Variants in GPATCH11 observed in about 807,000 individuals in gnomAD.
GPATCH11 encodes G patch domain-containing protein 11.
Under a neutral mutation model 44.8 loss-of-function variants are expected in GPATCH11, and 32 were observed. That is an observed-to-expected ratio of 0.71 (90% CI 0.54 to 0.96). The LOEUF (loss-of-function observed/expected upper bound fraction) is 0.96. GPATCH11 is among the 40% of genes least tolerant of loss of function. The pLI, the probability that GPATCH11 is intolerant of heterozygous loss-of-function variation, is 0.00. For missense variants in GPATCH11, 324 were observed against 303.1 expected, an observed-to-expected ratio of 1.07 and a Z score of -0.51; for synonymous variants, 84 against 94.4, an observed-to-expected ratio of 0.89 and a Z score of 0.64.
chr2:37,088,458 C>T lies in GPATCH11; in HGVS notation c.59+18C>T, dbSNP rs779817307. The T allele has an allele frequency of 2.5e-6, 3 of 1,219,810 alleles. No homozygotes were observed. Among genetic ancestry groups the T allele is most frequent in the Non-Finnish European group, 3.6e-6 (3 of 832,548 alleles). 75.6% of individuals were successfully genotyped at this position (1,219,810 alleles called of 1,614,324 possible). Reference sequence around the variant, plus strand: ...AATGTCCAGTAAGTAAATGTGCACACCCAGTGCAATGATATGTATAAGATG... The same window carrying T: ...AATGTCCAGTAAGTAAATGTGCACATCCAGTGCAATGATATGTATAAGATG... On this transcript the variant is annotated intron_variant, in intron 2 of 8. Coordinates refer to ENST00000674370, the MANE Select transcript of GPATCH11 (RefSeq NM_174931.4).
intron 7 of GPATCH11, among the ~76,000 whole-genome samples, chr2:37,094,789 AC>A (rs766360962): frequency 6.6e-6 from 1 of 152,164 alleles, no homozygotes; most frequent in Non-Finnish European, 1.5e-5. Context: ...TACTAAAAAT[AC>A]AAAAATTAGC....
chr2:37,098,344 A>ATATG lies in GPATCH11; in HGVS notation c.*2089_*2092dup, dbSNP rs1270530415. 8.6e-6 allele frequency: 1 copy of ATATG among 116,396 alleles called. No homozygotes were observed. The highest frequency in any genetic ancestry group is 2.9e-5 in the African/African-American group (1 of 34,030). The allele number at this position is 116,396 out of a possible 1,614,324, so 7.2% of individuals were successfully genotyped here. A position where few individuals can be genotyped will look rare whatever the true frequency, so the allele number is the denominator to read the frequency against. ...TCTCAAAAAAAAAAATTATATATAT[A>ATATG]TATGTATGTATATATATATATATAT... On this transcript the variant is annotated 3_prime_UTR_variant, in exon 9 of 9. Coordinates refer to ENST00000674370, the MANE Select transcript of GPATCH11 (RefSeq NM_174931.4).
At position 37,095,426 on chromosome 2, in the gene GPATCH11, G is replaced by A. The variant is rs762301372; in HGVS notation, c.655-11G>A. On this transcript the variant is annotated splice_polypyrimidine_tract_variant and intron_variant, in intron 7 of 8. Transcript: ENST00000674370. ...AATGTAAAGTATTAATAATGTGCTT[G>A]TATCCTATAGGTACTGGAAAAATTA... is the stretch of plus-strand genomic sequence containing the variant. 6.3e-7 allele frequency: 1 copy of A among 1,596,978 alleles called. No homozygotes were observed. The highest frequency in any genetic ancestry group is 8.5e-7 in the Non-Finnish European group (1 of 1,173,858).
intron 1 of GPATCH11, among the ~76,000 whole-genome samples, chr2:37,087,091 A>G (rs1359074599): frequency 6.6e-6 from 1 of 152,208 alleles, no homozygotes; most frequent in African/African-American, 2.4e-5. Flanking sequence ...CTCCCAGTTC[A>G]GAAACACCCA....
chr2:37,097,689 A>T lies in GPATCH11; in HGVS notation c.*1426A>T, dbSNP rs1332715587. 6.6e-6 allele frequency: 1 copy of T among 152,226 alleles called. No individual in the cohort carries two copies. The highest frequency in any genetic ancestry group is 2.4e-5 in the African/African-American group (1 of 41,460). The allele number at this position is 152,226 out of a possible 1,614,324, so 9.4% of individuals were successfully genotyped here. ...AAGAAGATTGTAAAAATTAACCTAC[A>T]CTTGCTAGGGTAAGATAATCAGTAG... On this transcript the variant is annotated 3_prime_UTR_variant, in exon 9 of 9. Transcript: ENST00000674370.
intron 2 of GPATCH11, among the ~76,000 whole-genome samples, chr2:37,088,750 G>A (rs971380707): frequency 2.6e-5 from 4 of 152,134 alleles, no homozygotes; most frequent in African/African-American, 9.7e-5. Flanking sequence ...TCCAACTCCT[G>A]GGCTCAGGCG....
intron 6 of GPATCH11, among the ~76,000 whole-genome samples, chr2:37,093,732 C>A (rs1468153579): frequency 6.6e-6 from 1 of 152,168 alleles, no homozygotes; most frequent in African/African-American, 2.4e-5. Context: ...TTTTGGCTCA[C>A]TGCAACCTCC....
chr2:37,093,035 A>G (rs1037033644), intron 6 of GPATCH11, among the ~76,000 whole-genome samples: 1 of 152,062 alleles, frequency 6.6e-6, no homozygotes, highest in Non-Finnish European at 1.5e-5. Context: ...AGTCCTATCT[A>G]CTCAGGAGGC....
rs778212418 is a variant in GPATCH11, at chr2:37,092,245, A to G, written c.530A>G (p.Asp177Gly). The G allele has an allele frequency of 3.4e-5, 51 of 1,485,870 alleles. No homozygotes were observed. Among genetic ancestry groups the G allele is most frequent in the Admixed American group, 4.8e-5 (2 of 41,968 alleles). The allele number at this position is 1,485,870 out of a possible 1,614,324, so 92.0% of individuals were successfully genotyped here. Residue 177 changes from aspartate to glycine, a missense_variant, in exon 6 of 9, where the codon GAT (aspartate) becomes GGT (glycine). Transcript: ENST00000674370. ...AGCCAGCGAGCCTGTCAACAACTGG[A>G]TGTCCAGAAAGTAAGCCTTTTACCA... ...RRSQRACQQL[D>G]VQKNIQVPRE...
chr2:37,087,295 G>A (rs1042956924), intron 1 of GPATCH11, among the ~76,000 whole-genome samples: 2 of 152,178 alleles, frequency 1.3e-5, no homozygotes, highest in African/African-American at 2.4e-5. Context: ...GCAGAGGGTT[G>A]GATTCCCAAA....
rs868350057 is a variant in GPATCH11 at position 37,096,113 on chromosome 2, A to G, written c.737-95A>G. The stretch of plus-strand genomic sequence containing the variant: ...TTCTGGTTTAGCAGAATAAGTAGAA[A>G]ACATCAGATCAAAAAATGCATGTTA... On this transcript the variant is annotated intron_variant, in intron 8 of 8. Coordinates refer to ENST00000674370, the MANE Select transcript of GPATCH11 (RefSeq NM_174931.4). 14 of 753,092 alleles carry G rather than the reference A, an allele frequency of 1.9e-5. No individual in the cohort carries two copies. In the African/African-American group the frequency reaches 2.5e-4, roughly 14 times the overall value. 46.7% of individuals were successfully genotyped at this position (753,092 alleles called of 1,614,324 possible). A position where few individuals can be genotyped will look rare whatever the true frequency, so the allele number is the denominator to read the frequency against.
intron 1 of GPATCH11, among the ~76,000 whole-genome samples, chr2:37,085,691 A>C (rs1672984021): frequency 6.6e-6 from 1 of 152,266 alleles, no homozygotes; most frequent in South Asian, 2.1e-4. Flanking sequence ...ATAAGGTTCT[A>C]CTTCCTGATA....
At chr2:37,086,082 C>A (rs1420828767) in intron 1 of GPATCH11, among the ~76,000 whole-genome samples, 1 of 152,138 alleles carries the variant, frequency 6.6e-6, no homozygotes, top group Non-Finnish European at 1.5e-5. Flanking sequence ...GCAGTTATGA[C>A]CAAAAAATCA....
chr2:37,085,597 C>T (rs1172658293), intron 1 of GPATCH11, among the ~76,000 whole-genome samples: 1 of 152,100 alleles, frequency 6.6e-6, no homozygotes, highest in African/African-American at 2.4e-5. Context: ...AAATGATTGC[C>T]ATAAAAAACA....
intron 4 of GPATCH11, 126 bp from the exon 5 acceptor site, chr2:37,091,790 G>C (rs1442887679): frequency 2.7e-6 from 2 of 752,832 alleles, no homozygotes; most frequent in Non-Finnish European, 4.1e-6. Context: ...TACTATTAGT[G>C]TACTCAAATG....
chr2:37,098,965 A>G lies in GPATCH11; in HGVS notation c.*2702A>G, dbSNP rs1269355955. The G allele has an allele frequency of 6.6e-6, 1 of 152,256 alleles. No homozygotes were observed. Among genetic ancestry groups the G allele is most frequent in the Non-Finnish European group, 1.5e-5 (1 of 68,048 alleles). The allele number at this position is 152,256 out of a possible 1,614,324, so 9.4% of individuals were successfully genotyped here. ...TTTATGACTTTATAAATAGGCAATA[A>G]TGAACACCAAGGGAAGCAAAACACT... On this transcript the variant is annotated 3_prime_UTR_variant, in exon 9 of 9. Transcript: ENST00000674370.
At chr2:37,092,291 T>C in intron 6 of GPATCH11, 36 bp downstream of exon 6, 1 of 1,010,018 alleles carries the variant, frequency 9.9e-7, no homozygotes, top group Non-Finnish European at 1.3e-6. Flanking sequence ...TAGTAAAGTG[T>C]TTTGGCACCC....
At chr2:37,090,472 G>A (rs920707654) in intron 3 of GPATCH11, among the ~76,000 whole-genome samples, 2 of 152,140 alleles carry the variant, frequency 1.3e-5, no homozygotes, top group African/African-American at 2.4e-5. Context: ...GGCATAGGAG[G>A]CTGTGAATCA....
chr2:37,093,091 A>C (rs1284143380), intron 6 of GPATCH11, among the ~76,000 whole-genome samples: 1 of 152,170 alleles, frequency 6.6e-6, no homozygotes, highest in African/African-American at 2.4e-5. Context: ...GGTTGCATTG[A>C]GCTATGTTCA....
Sources: gnomAD v4.1 joint callset for allele counts (sites outside exome capture counted in the v4.1 genomes callset) on GRCh38, gnomAD v4.1.1 for gene constraint, MANE v1.5 for transcripts, NCBI Gene and HGNC (gene_info 2026-07-23, HGNC 2026-07-21) for gene names.